ANKS1A: variants seen among roughly 807,000 people sequenced by gnomAD.
The protein encoded by ANKS1A is ankyrin repeat and SAM domain-containing protein 1A.
In ANKS1A, 55 loss-of-function variants were observed where a neutral mutation model predicts 120.3. The observed-to-expected ratio is 0.46, with a 90% CI of 0.37 to 0.57. ANKS1A has a LOEUF of 0.57. Among genes scored for constraint, ANKS1A ranks in the 20% least tolerant of loss-of-function variants. ANKS1A has a pLI of 0.00. For missense variants in ANKS1A, 1,123 were observed against 1,480.3 expected (o/e 0.76, Z 3.96); for synonymous variants, 590 against 604.7 (o/e 0.98, Z 0.36).
chr6:34,889,471 GT>G lies in ANKS1A; in HGVS notation c.70del (p.Ser24ProfsTer50). The G allele has an allele frequency of 7.8e-7, 1 of 1,288,378 alleles. No individual in the cohort carries two copies. The highest frequency in any genetic ancestry group is 9.8e-7 in the Non-Finnish European group (1 of 1,023,254). 79.8% of individuals were successfully genotyped at this position (1,288,378 alleles called of 1,614,324 possible). A position where few individuals can be genotyped will look rare whatever the true frequency, so the allele number is the denominator to read the frequency against. Reference protein sequence around the residue: ...GHLPAVEKLLSGKRLSSGFGG... With the variant: ...GHLPAVEKLLXGKRLSSGFGG... ...ACCTCCCGGCGGTGGAGAAGCTGCT[GT>G]CCGGGAAGCGGCTCTCCTCAGGCTT... is the stretch of plus-strand genomic sequence containing the variant. On this transcript the variant is annotated frameshift_variant, in exon 1 of 24. Coordinates refer to ENST00000360359, the MANE Select transcript of ANKS1A (RefSeq NM_015245.3). LOFTEE classifies it high-confidence loss of function. The surrounding 1 kb of genome is among the most constrained non-coding windows in gnomAD (Gnocchi z 5.5).
Position 35,079,647 on chromosome 6 carries a change from C to G in ANKS1A, c.2415C>G (p.Leu805=), listed in dbSNP as rs1199447208. 6.2e-7 allele frequency: 1 copy of G among 1,614,064 alleles called. No individual in the cohort carries two copies. The highest frequency in any genetic ancestry group is 1.3e-5 in the African/African-American group (1 of 74,938). Residue 805 remains leucine (L), a synonymous_variant, in exon 15 of 24, where the codon CTC becomes CTG. Coordinates refer to ENST00000360359, the MANE Select transcript of ANKS1A (RefSeq NM_015245.3). ...GYSSIDTVKN[L]WELELVNVLK... ...GCTCCATTGACACCGTGAAGAACCT[C>G]TGGGAGCTAGAGCTCGTCAATGTGA...
chr6:35,079,973 A>G lies in ANKS1A; in HGVS notation c.2544+45A>G, dbSNP rs1299942619. On this transcript the variant is annotated intron_variant, in intron 16 of 23. Transcript: ENST00000360359. ...AAAGGAATGTATGTTTGTTCCCTGT[A>G]TTTGCAGGAATTACATAGAATTCTT... 2.6e-6 allele frequency: 4 copies of G among 1,537,448 alleles called. No individual in the cohort carries two copies. In the Admixed American group the frequency reaches 5.9e-5, roughly 23 times the overall value.
chr6:35,029,163 T>TA (rs1032391740), intron 11 of ANKS1A, among the ~76,000 whole-genome samples: 1 of 152,028 alleles, frequency 6.6e-6, no homozygotes, highest in Non-Finnish European at 1.5e-5. Flanking sequence ...CTTTTTTTTT[T>TA]AAACGTTGTT....
chr6:34,983,126 C>T lies in ANKS1A; in HGVS notation c.822C>T (p.Asn274=), dbSNP rs772080835. ...QILLAAGTDV[N]IKDNHGLTAL... ...GTGCCTTTCTAGGAACTGACGTCAACATAAAAGATAACCATGGACTGACTG... is the reference window on the plus strand; with the variant it reads ...GTGCCTTTCTAGGAACTGACGTCAATATAAAAGATAACCATGGACTGACTG... Residue 274 remains asparagine (N), a synonymous_variant, in exon 6 of 24, where the codon AAC becomes AAT. Transcript: ENST00000360359. The T allele has an allele frequency of 6.2e-7, 1 of 1,614,110 alleles. No individual in the cohort carries two copies. The highest frequency in any genetic ancestry group is 8.5e-7 in the Non-Finnish European group (1 of 1,180,006).
chr6:35,088,850 CAAG>C lies in ANKS1A; in HGVS notation c.*245_*247del, dbSNP rs898752574. 91 of 1,447,902 alleles carry C rather than the reference CAAG, an allele frequency of 6.3e-5. No individual in the cohort carries two copies. The highest frequency in any genetic ancestry group is 8.0e-5 in the Admixed American group (3 of 37,508). 89.7% of individuals were successfully genotyped at this position (1,447,902 alleles called of 1,614,324 possible). On this transcript the variant is annotated 3_prime_UTR_variant, in exon 24 of 24. Coordinates refer to ENST00000360359, the MANE Select transcript of ANKS1A (RefSeq NM_015245.3). ...AGATGGGACTGGCATTCCAGAGGGT[CAAG>C]AAGTGACTTGTTCAGAACACATTGT...
chr6:34,947,714 C>T (rs1428678938), intron 1 of ANKS1A, among the ~76,000 whole-genome samples: 1 of 152,178 alleles, frequency 6.6e-6, no homozygotes, highest in African/African-American at 2.4e-5. Context: ...TGCCTTTATG[C>T]CCTCAGGGTC....
intron 13 of ANKS1A, among the ~76,000 whole-genome samples, chr6:35,063,961 G>GCTGAGATCTTT (rs1776640822): frequency 6.6e-6 from 1 of 152,206 alleles, no homozygotes; most frequent in Non-Finnish European, 1.5e-5. Context: ...TAGAGATGGT[G>GCTGAGATCTTT]GGACTTGGAA....
intron 13 of ANKS1A, chr6:35,071,040 G>T (rs1777061611): frequency 2.2e-6 from 1 of 451,516 alleles, no homozygotes. Context: ...ACCTTACTTA[G>T]GTTGATTTGC....
At chr6:34,895,778 T>G (rs1228744152) in intron 1 of ANKS1A, among the ~76,000 whole-genome samples, 3 of 141,394 alleles carry the variant, frequency 2.1e-5, no homozygotes, top group South Asian at 2.2e-4. Context: ...AAGAATGTCT[T>G]TCTTTTTTTT....
intron 3 of ANKS1A, among the ~76,000 whole-genome samples, chr6:34,978,659 G>A (rs71567473): frequency 6.6e-6 from 1 of 151,804 alleles, no homozygotes; most frequent in Admixed American, 6.6e-5. Context: ...TACAAAATTA[G>A]CTAGGCGTGG....
chr6:35,028,954 C>A (rs939376165), intron 11 of ANKS1A, among the ~76,000 whole-genome samples: 2 of 152,110 alleles, frequency 1.3e-5, no homozygotes, highest in Non-Finnish European at 2.9e-5. Flanking sequence ...AGAGTTTGTG[C>A]GTGTTAAATT....
At chr6:35,033,757 C>T (rs1775019195) in intron 11 of ANKS1A, among the ~76,000 whole-genome samples, 1 of 152,194 alleles carries the variant, frequency 6.6e-6, no homozygotes, top group African/African-American at 2.4e-5. Context: ...AGATTGATCT[C>T]AATGAAGAAC....
chr6:35,078,674 T>C lies in ANKS1A; in HGVS notation c.2283+18T>C, dbSNP rs771949745. On this transcript the variant is annotated intron_variant, in intron 14 of 23. Transcript: ENST00000360359. ...TACCCAAGGTGACCATCGCCGGCCCTGTAGCCTCAGCCCGTGCGGAGCCAG... is the reference window on the plus strand; with the variant it reads ...TACCCAAGGTGACCATCGCCGGCCCCGTAGCCTCAGCCCGTGCGGAGCCAG... The C allele has an allele frequency of 5.4e-5, 86 of 1,599,474 alleles. 1 individual carries two copies. The South Asian group carries it at 9.1e-4, about 17-fold the overall frequency.
chr6:34,950,558 A>G (rs1770040925), intron 1 of ANKS1A, among the ~76,000 whole-genome samples: 1 of 151,900 alleles, frequency 6.6e-6, no homozygotes, highest in African/African-American at 2.4e-5. Context: ...CTATTACAAT[A>G]AGAGAGAGAG....
intron 1 of ANKS1A, among the ~76,000 whole-genome samples, chr6:34,930,710 C>A (rs1768937016): frequency 6.6e-6 from 1 of 151,996 alleles, no homozygotes; most frequent in East Asian, 1.9e-4. Flanking sequence ...CTTTTTTAAA[C>A]TTGGGAACGT....
chr6:35,023,621 A>G, intron 11 of ANKS1A: 1 of 485,598 alleles, frequency 2.1e-6, no homozygotes, highest in Non-Finnish European at 4.2e-6. Flanking sequence ...TTATGCCTCC[A>G]GGAAAATCTC....
At chr6:35,007,749 T>C (rs889106823) in intron 10 of ANKS1A, among the ~76,000 whole-genome samples, 2 of 152,270 alleles carry the variant, frequency 1.3e-5, no homozygotes, top group Non-Finnish European at 2.9e-5. Flanking sequence ...ATGTGGACTT[T>C]CTGGCGTGCA....
intron 11 of ANKS1A, among the ~76,000 whole-genome samples, chr6:35,031,249 A>G (rs958900392): frequency 1.3e-5 from 2 of 152,150 alleles, no homozygotes; most frequent in Admixed American, 6.5e-5. Flanking sequence ...GGCAAAATCA[A>G]TGTAGCTTTT....
intron 1 of ANKS1A, among the ~76,000 whole-genome samples, chr6:34,929,100 T>A (rs1768851231): frequency 6.6e-6 from 1 of 152,248 alleles, no homozygotes; most frequent in African/African-American, 2.4e-5. Flanking sequence ...ATTTAACCTT[T>A]TCTATAAGGT....
Sources: gnomAD v4.1 joint callset for allele counts (sites outside exome capture counted in the v4.1 genomes callset) on GRCh38, gnomAD v4.1.1 for gene constraint, Gnocchi (gnomAD v3.1) non-coding constraint, MANE v1.5 for transcripts, NCBI Gene and HGNC (gene_info 2026-07-23, HGNC 2026-07-21) for gene names.